The following PIGN variants were observed in gnomAD, a reference collection of about 807,000 sequenced individuals.
PIGN encodes phosphatidylinositol glycan anchor biosynthesis class N, also known as GPI ethanolamine phosphate transferase 1.
PIGN carries 117 observed loss-of-function variants against 125.4 expected under a neutral mutation model. The observed-to-expected ratio is 0.93, with a 90% CI of 0.80 to 1.09. The LOEUF (loss-of-function observed/expected upper bound fraction) is 1.09. Among genes scored for constraint, PIGN ranks in the 50% least tolerant of loss-of-function variants. PIGN has a pLI of 0.00. For missense variants in PIGN, 1,075 were observed against 1,094.9 expected, an observed-to-expected ratio of 0.98 and a Z score of 0.26; for synonymous variants, 392 against 377.8, an observed-to-expected ratio of 1.04 and a Z score of -0.44.
rs367909088 is a variant in PIGN, at chr18:62,054,489, AT to A, written c.2673-8511del. On this transcript the variant is annotated intron_variant, in intron 30 of 30. Coordinates refer to ENST00000640252, the MANE Select transcript of PIGN (RefSeq NM_176787.5). ...TCAACAAAATACTTTTTTTTTTCCT[AT>A]TTTTTTTTTTTTTTTTTTTTAGGCA... Among the ~76,000 whole-genome samples the A allele has an allele frequency of 5.1e-3, 593 of 117,282 alleles. 4 individuals carry two copies. Among genetic ancestry groups the A allele is most frequent in the African/African-American group, 0.014 (437 of 31,742 alleles). The allele number at this position is 117,282 out of a possible 152,430, so 76.9% of individuals were successfully genotyped here. A position where few individuals can be genotyped will look rare whatever the true frequency, so the allele number is the denominator to read the frequency against.
chr18:62,159,053 G>C (rs1385985858), intron 4 of PIGN, among the ~76,000 whole-genome samples: 1 of 152,178 alleles, frequency 6.6e-6, no homozygotes, highest in African/African-American at 2.4e-5. Flanking sequence ...AAACCAGCCT[G>C]GTCAACATGG....
intron 14 of PIGN, among the ~76,000 whole-genome samples, chr18:62,117,751 T>C (rs2035142551): frequency 6.6e-6 from 1 of 152,142 alleles, no homozygotes; most frequent in African/African-American, 2.4e-5. Flanking sequence ...TTCTATTCTG[T>C]CAATTCTTGT....
intron 22 of PIGN, among the ~76,000 whole-genome samples, chr18:62,099,148 T>C (rs991924375): frequency 1.3e-5 from 2 of 151,866 alleles, no homozygotes; most frequent in Non-Finnish European, 2.9e-5. Context: ...AGAAAAAAAA[T>C]TGTCGAATTG....
chr18:62,123,607 G>T (rs1260020735), intron 14 of PIGN: 1 of 152,116 alleles, frequency 6.6e-6, no homozygotes, highest in Non-Finnish European at 1.5e-5. Context: ...GTTGTACAAT[G>T]AATATCCAAT....
chr18:62,080,278 A>C (rs62095300), intron 28 of PIGN, among the ~76,000 whole-genome samples: 25,721 of 152,070 alleles, frequency 0.17, 2,933 homozygotes, highest in Middle Eastern at 0.28. Context: ...TAATACTAAA[A>C]CTTGTTTCTC....
At chr18:62,178,272 C>T (rs528406778) in intron 1 of PIGN, among the ~76,000 whole-genome samples, 1 of 152,096 alleles carries the variant, frequency 6.6e-6, no homozygotes, top group African/African-American at 2.4e-5. Flanking sequence ...CTTCATTATG[C>T]AGTCTCCTGG....
At chr18:62,165,586 G>C (rs1418700817) in intron 1 of PIGN, among the ~76,000 whole-genome samples, 1 of 152,162 alleles carries the variant, frequency 6.6e-6, no homozygotes, top group African/African-American at 2.4e-5. Context: ...TTAAGCTCGA[G>C]ATGCCATAAT....
intron 10 of PIGN, among the ~76,000 whole-genome samples, chr18:62,143,907 A>C (rs1051779335): frequency 1.3e-5 from 2 of 152,236 alleles, no homozygotes; most frequent in African/African-American, 4.8e-5. Flanking sequence ...AAATTCAGAA[A>C]TTGCATTAAA....
chr18:62,018,263 G>A (rs1416750629), intron 23 of PIGN, among the ~76,000 whole-genome samples: 3 of 152,212 alleles, frequency 2.0e-5, no homozygotes. Context: ...CTGGGAGGCT[G>A]GGAATGGGCG....
intron 14 of PIGN, among the ~76,000 whole-genome samples, chr18:62,121,014 C>T (rs1192317241): frequency 6.6e-6 from 1 of 152,064 alleles, no homozygotes; most frequent in African/African-American, 2.4e-5. Flanking sequence ...TGAGAAAAGA[C>T]ATAACACACA....
rs1366164998 is a variant in PIGN at position 62,109,904 on chromosome 18, G to C, written c.1504C>G (p.Gln502Glu). The C allele has an allele frequency of 6.2e-7, 1 of 1,613,140 alleles. No individual in the cohort carries two copies. Reference sequence around the variant, plus strand: ...ACATAATATGTCCAGGGACAGGCTTGAATCAGCAGAAAAAATGCTACTAAA... The same window carrying C: ...ACATAATATGTCCAGGGACAGGCTTCAATCAGCAGAAAAAATGCTACTAAA... ...GILVAFFLLI[Q>E]ACPWTYYVYG... Residue 502 changes from glutamine (Q) to glutamate (E), a missense_variant, in exon 17 of 31, where the codon CAA (glutamine) becomes GAA (glutamate). Gln to Glu is a conservative substitution (Grantham distance 29, BLOSUM62 2). Around this residue, in one of 3 missense-constraint regions of PIGN, gnomAD observed 915 missense variants for 908.7 expected, o/e 1.01. Coordinates refer to ENST00000640252, the MANE Select transcript of PIGN (RefSeq NM_176787.5).
chr18:62,057,007 T>C (rs2031779945), intron 30 of PIGN, among the ~76,000 whole-genome samples: 1 of 152,190 alleles, frequency 6.6e-6, no homozygotes, highest in African/African-American at 2.4e-5. Flanking sequence ...TGCTGGCCCC[T>C]GCACCCTTCA....
chr18:62,145,689 C>T (rs2036301268), intron 10 of PIGN, among the ~76,000 whole-genome samples: 1 of 152,012 alleles, frequency 6.6e-6, no homozygotes, highest in Non-Finnish European at 1.5e-5. Context: ...TTCAGAAAGT[C>T]TAGTTATTAG....
chr18:62,107,079 T>G lies in PIGN; in HGVS notation c.1581A>C (p.Gln527His). ...CTGATACAACAAGGTCCTGAATAAC[T>G]TGAAATCTGTTTCAAATAAAAAGAC... ...PIWYAVLREF[Q>H]VIQDLVVSVL... The change falls in exon 18 of 31, where the codon CAA (glutamine) becomes CAC (histidine). Residue 527 changes from glutamine (Q) to histidine (H), a missense_variant. By Grantham distance (24) the Gln-to-His change is conservative. Transcript: ENST00000640252. 2 of 1,565,838 alleles carry G rather than the reference T, an allele frequency of 1.3e-6. No individual in the cohort carries two copies. Among genetic ancestry groups the G allele is most frequent in the Non-Finnish European group, 1.7e-6 (2 of 1,151,846 alleles).
intron 28 of PIGN, among the ~76,000 whole-genome samples, chr18:62,082,286 A>G (rs1242938685): frequency 1.3e-5 from 2 of 152,160 alleles, no homozygotes; most frequent in African/African-American, 2.4e-5. Flanking sequence ...TAATGTTAAC[A>G]TATTTATATA....
In PIGN at chr18:62,161,497, ACT is replaced by A. The variant is rs1276449803; in HGVS notation, c.-32-114_-32-113del. 9.5e-5 allele frequency: 53 copies of A among 558,004 alleles called. 1 individual carries two copies. In the South Asian group the frequency reaches 1.2e-3, roughly 13 times the overall value. The allele number at this position is 558,004 out of a possible 1,614,324, so 34.6% of individuals were successfully genotyped here. A position where few individuals can be genotyped will look rare whatever the true frequency, so the allele number is the denominator to read the frequency against. On this transcript the variant is annotated intron_variant, in intron 3 of 30. Coordinates refer to ENST00000640252, the MANE Select transcript of PIGN (RefSeq NM_176787.5). ...AACATATATTTTTAATTATTATATA[ACT>A]CACAACTTTACTTTCATTTGTGGTG...
Position 62,095,936 on chromosome 18 carries a change from C to T in PIGN, c.2092G>A (p.Val698Met), listed in dbSNP as rs369249247. The T allele has an allele frequency of 8.6e-5, 139 of 1,609,632 alleles. No individual in the cohort carries two copies. Among genetic ancestry groups the T allele is most frequent in the Non-Finnish European group, 1.1e-4 (135 of 1,176,444 alleles). ...SWATLASSLV[V>M]PLLSSPVLFQ... ...AGAACTGGAGAACTCAGTAGTGGCA[C>T]AACCAAGGAAGAGGCTGCAATGAAA... The change falls in exon 23 of 31, where the codon GTG (valine) becomes ATG (methionine). Residue 698 changes from valine (V) to methionine (M), a missense_variant. Transcript: ENST00000640252.
chr18:62,023,988 C>A (rs957880908), intron 23 of PIGN, among the ~76,000 whole-genome samples: 1 of 152,134 alleles, frequency 6.6e-6, no homozygotes, highest in Non-Finnish European at 1.5e-5. Context: ...TAAAGCATAG[C>A]GGCTGAAATT....
chr18:62,094,328 T>A (rs1172295281), intron 23 of PIGN, among the ~76,000 whole-genome samples: 1 of 152,158 alleles, frequency 6.6e-6, no homozygotes, highest in African/African-American at 2.4e-5. Context: ...CTTTAGAATT[T>A]GAAAGTTCAA....
Sources: allele counts gnomAD v4.1 joint callset (sites outside exome capture counted in the v4.1 genomes callset), GRCh38; gene constraint gnomAD v4.1.1; regional missense constraint gnomAD v4.1.1; transcripts MANE v1.5; gene names NCBI Gene and HGNC (gene_info 2026-07-23, HGNC 2026-07-21).